The following EP400 variants were observed in gnomAD, a reference collection of about 807,000 sequenced individuals.
EP400 encodes E1A binding protein p400, also known as E1A-binding protein p400.
Under a neutral mutation model 354.1 loss-of-function variants are expected in EP400, and 105 were observed. That is an observed-to-expected ratio of 0.30 (90% CI 0.25 to 0.35). The LOEUF (loss-of-function observed/expected upper bound fraction) is 0.35. Ranked by LOEUF, EP400 falls within the 10% of genes least tolerant of loss-of-function variation. The pLI, the probability that EP400 is intolerant of heterozygous loss-of-function variation, is 1.00. For missense variants in EP400, 3,280 were observed against 4,121.0 expected, an observed-to-expected ratio of 0.80 and a Z score of 5.59; for synonymous variants, 1,646 against 1,716.9, an observed-to-expected ratio of 0.96 and a Z score of 1.02.
At chr12:132,069,257 G>A (rs1284710325) in intron 50 of EP400, 2 of 515,338 alleles carry the variant, frequency 3.9e-6, no homozygotes, top group Non-Finnish European at 6.7e-6. Flanking sequence ...TGGGCTGCAG[G>A]CAACGGCCAG....
intron 2 of EP400, among the ~76,000 whole-genome samples, chr12:131,966,562 CAAAAAAAA>C (rs534384776): frequency 1.4e-4 from 8 of 57,516 alleles, no homozygotes; most frequent in Admixed American, 2.0e-4. Context: ...TACCCTACCT[CAAAAAAAA>C]AAAAAAAAAA....
chr12:132,037,928 G>A, intron 31 of EP400, 25 bp from the exon 32 acceptor site: 3 of 1,614,098 alleles, frequency 1.9e-6, no homozygotes, highest in Non-Finnish European at 2.5e-6. Context: ...TTGTACTGGG[G>A]AGTAACACAC....
At position 131,994,771 on chromosome 12, in the gene EP400, C is replaced by A; in HGVS notation, c.2738-96C>A. 1 of 947,664 alleles carries A rather than the reference C, an allele frequency of 1.1e-6. No individual in the cohort carries two copies. The highest frequency in any genetic ancestry group is 1.6e-6 in the Non-Finnish European group (1 of 627,166). The allele number at this position is 947,664 out of a possible 1,614,324, so 58.7% of individuals were successfully genotyped here. A position where few individuals can be genotyped will look rare whatever the true frequency, so the allele number is the denominator to read the frequency against. On this transcript the variant is annotated intron_variant, in intron 11 of 52. Transcript: ENST00000389561. This position sits in a 1 kb window ranked among gnomAD's most constrained non-coding sequence, Gnocchi z 4.6. Reference sequence around the variant, plus strand: ...AGCTCAGTTTCAATTTCTGTAATAGCTATGCAAAATAATTTCGAAGCCTTA... The same window carrying A: ...AGCTCAGTTTCAATTTCTGTAATAGATATGCAAAATAATTTCGAAGCCTTA...
At chr12:131,967,324 T>C (rs1892135302) in intron 2 of EP400, among the ~76,000 whole-genome samples, 1 of 151,840 alleles carries the variant, frequency 6.6e-6, no homozygotes, top group Admixed American at 6.6e-5. Flanking sequence ...GAGGTTGCAG[T>C]GAGCTGAGAT....
At chr12:132,041,936 ATTTCTTTTTTTTTCTT>A (rs1010060889) in intron 32 of EP400, among the ~76,000 whole-genome samples, 4 of 134,800 alleles carry the variant, frequency 3.0e-5, no homozygotes, top group Admixed American at 7.3e-5. Context: ...GATTTTCTCT[ATTTCTTTTTTTTTCTT>A]TTTCTTTTTT....
In EP400 at chr12:131,991,385, A is replaced by T. The variant is rs192631947; in HGVS notation, c.2630-22A>T. 1.4e-3 allele frequency: 2,307 copies of T among 1,613,660 alleles called. 5 individuals carry two copies. The highest frequency in any genetic ancestry group is 1.5e-3 in the Non-Finnish European group (1,812 of 1,179,698). The stretch of plus-strand genomic sequence containing the variant: ...CAAGCATGGGGGGCCTTGGGAACGA[A>T]CTGTGCTCCTTGTCTCTCTAGGGAA... On this transcript the variant is annotated intron_variant, in intron 9 of 52. Coordinates refer to ENST00000389561, the MANE Select transcript of EP400 (RefSeq NM_015409.5).
rs750396319 is a variant in EP400 at position 131,951,065 on chromosome 12, ATTTTTTTTTTT to A, written c.-36+1043_-36+1053del. Among the ~76,000 whole-genome samples the A allele has an allele frequency of 9.6e-5, 10 of 104,174 alleles. No individual in the cohort carries two copies. In the South Asian group the frequency reaches 2.1e-3, roughly 21 times the overall value. The allele number at this position is 104,174 out of a possible 152,430, so 68.3% of individuals were successfully genotyped here. On this transcript the variant is annotated intron_variant, in intron 1 of 52. Coordinates refer to ENST00000389561, the MANE Select transcript of EP400 (RefSeq NM_015409.5). The stretch of plus-strand genomic sequence containing the variant: ...CAGGCGCCTGCCACCACGCCTGGCT[ATTTTTTTTTTT>A]TTTTTTTTTTTTTGGATTTTTAGTA...
chr12:132,053,920 G>A (rs1214767405), intron 43 of EP400, among the ~76,000 whole-genome samples: 1 of 152,166 alleles, frequency 6.6e-6, no homozygotes, highest in Admixed American at 6.5e-5. Context: ...ACATACCTGT[G>A]ACGCATTCAC....
At chr12:132,056,371 A>G (rs970127877) in intron 45 of EP400, among the ~76,000 whole-genome samples, 1 of 152,054 alleles carries the variant, frequency 6.6e-6, no homozygotes, top group Non-Finnish European at 1.5e-5. Context: ...AGATGTGTAG[A>G]TGATGGAATT....
chr12:132,021,298 C>T lies in EP400; in HGVS notation c.4667C>T (p.Ser1556Leu), dbSNP rs945781301. ...SALPQRLVLP[S>L]QAQARLPSGE... The stretch of plus-strand genomic sequence containing the variant: ...CTGCCTCAGAGGCTGGTGCTCCCCT[C>T]GCAGGCCCAGGCCCGCTTGCCCAGT... The change falls in exon 23 of 53, where the codon TCG (serine) becomes TTG (leucine). Residue 1556 changes from serine to leucine, a missense_variant. By Grantham distance (145) the Ser-to-Leu change is moderately radical. This residue lies in a region of EP400 where 342 missense variants were observed against 342.7 expected (regional missense o/e 1.00). Coordinates refer to ENST00000389561, the MANE Select transcript of EP400 (RefSeq NM_015409.5). 2.0e-6 allele frequency: 3 copies of T among 1,525,626 alleles called. No individual in the cohort carries two copies. The highest frequency in any genetic ancestry group is 2.0e-5 in the Admixed American group (1 of 49,746). 94.5% of individuals were successfully genotyped at this position (1,525,626 alleles called of 1,614,324 possible).
intron 51 of EP400, 21 bp from the exon 52 acceptor site, chr12:132,076,495 G>C: frequency 6.2e-7 from 1 of 1,613,510 alleles, no homozygotes; most frequent in Non-Finnish European, 8.5e-7. Context: ...TGTATGTTTG[G>C]CTTTTTTTGT....
intron 2 of EP400, among the ~76,000 whole-genome samples, chr12:131,973,988 A>AT (rs57974341): frequency 0.038 from 4,868 of 128,726 alleles, 205 homozygotes; most frequent in African/African-American, 0.1. Flanking sequence ...ATGTGTTTGT[A>AT]TTTTTTTTTT....
At position 132,079,615 on chromosome 12, in the gene EP400, A is replaced by G. The variant is rs2136630908; in HGVS notation, c.*1942A>G. The G allele has an allele frequency of 6.6e-6, 1 of 152,392 alleles. No individual in the cohort carries two copies. Among genetic ancestry groups the G allele is most frequent in the South Asian group, 2.1e-4 (1 of 4,832 alleles). 9.4% of individuals were successfully genotyped at this position (152,392 alleles called of 1,614,324 possible). On this transcript the variant is annotated 3_prime_UTR_variant, in exon 53 of 53. Coordinates refer to ENST00000389561, the MANE Select transcript of EP400 (RefSeq NM_015409.5). ...GCACTTATTTTAGAATATCCTAGACATAACTGTCTAAGTAAAAGCGCTCTA... is the reference window on the plus strand; with the variant it reads ...GCACTTATTTTAGAATATCCTAGACGTAACTGTCTAAGTAAAAGCGCTCTA...
At chr12:132,043,277 G>A in intron 32 of EP400, 27 bp from the exon 33 acceptor site, 2 of 1,592,790 alleles carry the variant, frequency 1.3e-6, no homozygotes, top group Non-Finnish European at 1.7e-6. Context: ...AGTCTATCAA[G>A]GCAATCTAAA....
At chr12:131,959,525 T>G (rs1891808264) in intron 1 of EP400, among the ~76,000 whole-genome samples, 1 of 152,194 alleles carries the variant, frequency 6.6e-6, no homozygotes, top group Non-Finnish European at 1.5e-5. Context: ...AACCTGACTT[T>G]CCTCAGTGGC....
At chr12:132,053,721 A>T (rs765908782) in intron 43 of EP400, 124 bp downstream of exon 43, 9 of 1,116,438 alleles carry the variant, frequency 8.1e-6, no homozygotes, top group Non-Finnish European at 1.1e-5. Context: ...CAGCTTGTAG[A>T]CCTTCCTCTG....
rs1385455157 is a variant in EP400 at position 131,961,786 on chromosome 12, A to G, written c.1167A>G (p.Glu389=). The G allele has an allele frequency of 6.2e-7, 1 of 1,614,212 alleles. No homozygotes were observed. The highest frequency in any genetic ancestry group is 8.5e-7 in the Non-Finnish European group (1 of 1,180,042). Residue 389 remains glutamate (E), a synonymous_variant, in exon 2 of 53, where the codon GAA becomes GAG. Coordinates refer to ENST00000389561, the MANE Select transcript of EP400 (RefSeq NM_015409.5). ...LKEVFKEYLI[E]LFFLQHFQGN... ...AGGTCTTCAAGGAGTATTTGATTGAACTGTTTTTCTTGCAACACTTTCAAG... is the reference window on the plus strand; with the variant it reads ...AGGTCTTCAAGGAGTATTTGATTGAGCTGTTTTTCTTGCAACACTTTCAAG...
intron 48 of EP400, 97 bp from the exon 49 acceptor site, chr12:132,066,677 A>G: frequency 7.7e-7 from 1 of 1,298,338 alleles, no homozygotes; most frequent in South Asian, 1.4e-5. Flanking sequence ...TGATCTTTGT[A>G]AATTTTCTCA....
chr12:131,995,804 G>A (rs1893191330), intron 12 of EP400, among the ~76,000 whole-genome samples: 1 of 147,230 alleles, frequency 6.8e-6, no homozygotes, highest in African/African-American at 2.7e-5. Context: ...AACTTCATGT[G>A]AACGAATCCC....
Sources: gnomAD v4.1 joint callset for allele counts (sites outside exome capture counted in the v4.1 genomes callset) on GRCh38, gnomAD v4.1.1 for gene constraint, gnomAD v4.1.1 regional missense constraint, Gnocchi (gnomAD v3.1) non-coding constraint, MANE v1.5 for transcripts, NCBI Gene and HGNC (gene_info 2026-07-23, HGNC 2026-07-21) for gene names.